PRSS41: variants seen among roughly 807,000 people sequenced by gnomAD.
PRSS41 encodes protease, serine 41.
PRSS41 carries 37 observed loss-of-function variants against 28.8 expected under a neutral mutation model. That is an observed-to-expected ratio of 1.29 (90% CI 0.99 to 1.69). The LOEUF (loss-of-function observed/expected upper bound fraction) is 1.69. Ranked by LOEUF, PRSS41 falls within the 40% of genes most tolerant of loss-of-function variation. The pLI is 0.00. For missense variants in PRSS41, 431 were observed against 400.7 expected (o/e 1.08, Z -0.65); for synonymous variants, 195 against 163.1 (o/e 1.20, Z -1.49).
At chr16:2,801,290 A>G (rs1166773027) in intron 4 of PRSS41, among the ~76,000 whole-genome samples, 1 of 151,120 alleles carries the variant, frequency 6.6e-6, no homozygotes, top group Admixed American at 6.6e-5. Context: ...TATTTTCTTG[A>G]TGATTTGATT....
chr16:2,804,552 T>C lies in PRSS41; in HGVS notation c.699+6T>C, dbSNP rs753476513. 3.4e-5 allele frequency: 52 copies of C among 1,550,050 alleles called. No homozygotes were observed. Among genetic ancestry groups the C allele is most frequent in the Non-Finnish European group, 4.5e-5 (52 of 1,146,900 alleles). On this transcript the variant is annotated splice_donor_region_variant and intron_variant, in intron 5 of 5. Coordinates refer to ENST00000399677, the Ensembl canonical transcript of PRSS41. ...GCAGTGTAGACACCTGCAAAGTGAGTGCCTCTACCCCACCAGGGAATCCCA... is the reference window on the plus strand; with the variant it reads ...GCAGTGTAGACACCTGCAAAGTGAGCGCCTCTACCCCACCAGGGAATCCCA...
rs76837976 is a variant in PRSS41 at position 2,803,149 on chromosome 16, A to G, written c.542-1240A>G. Among the ~76,000 whole-genome samples the G allele has an allele frequency of 4.9e-3, 746 of 152,312 alleles. 4 individuals carry two copies. Among genetic ancestry groups the G allele is most frequent in the Middle Eastern group, 0.017 (5 of 294 alleles). ...ATTCAAGCCCTTTACATTAAGAGTA[A>G]TTGATTACAGATCTGCAAAGAATGA... On this transcript the variant is annotated intron_variant, in intron 4 of 5. Coordinates refer to ENST00000399677, the Ensembl canonical transcript of PRSS41.
rs1326318545 is a variant in PRSS41 at position 2,798,506 on chromosome 16, C to A, written c.22C>A (p.Leu8Met). ...GGCCATGGGCGCGCGCGGGGCGCTGCTGCTGGCGCTGCTGCTGGCTCGGGC... is the reference window on the plus strand; with the variant it reads ...GGCCATGGGCGCGCGCGGGGCGCTGATGCTGGCGCTGCTGCTGGCTCGGGC... The change falls in exon 1 of 6, where the codon CTG becomes ATG. Residue 8 changes from leucine to methionine, a missense_variant. Transcript: ENST00000399677. 4 of 1,310,556 alleles carry A rather than the reference C, an allele frequency of 3.1e-6. No homozygotes were observed. In the African/African-American group the frequency reaches 5.8e-5, roughly 19 times the overall value. The allele number at this position is 1,310,556 out of a possible 1,614,324, so 81.2% of individuals were successfully genotyped here. A position where few individuals can be genotyped will look rare whatever the true frequency, so the allele number is the denominator to read the frequency against.
At chr16:2,805,197 C>T (rs149900462) in exon 6 of PRSS41, 7 of 1,323,512 alleles carry the variant, frequency 5.3e-6, no homozygotes, top group African/African-American at 2.9e-5. Flanking sequence ...AGTATTGGCT[C>T]ACCTCCTCTG....
exon 4 of PRSS41, chr16:2,799,456 C>G (rs945895712): frequency 2.6e-6 from 4 of 1,552,136 alleles, no homozygotes; most frequent in Non-Finnish European, 3.5e-6. Flanking sequence ...CTGGCCTCTT[C>G]TGTCACCTAC....
chr16:2,801,389 G>A (rs2068985276), intron 4 of PRSS41, among the ~76,000 whole-genome samples: 1 of 149,298 alleles, frequency 6.7e-6, no homozygotes, highest in Non-Finnish European at 1.5e-5. Flanking sequence ...TTCTCACAGA[G>A]GGGGATTTGG....
chr16:2,798,868 GCTGCGCGCACCCC>G (rs2068965627), intron 2 of PRSS41, 78 bp from the exon 3 acceptor site: 2 of 1,380,730 alleles, frequency 1.4e-6, no homozygotes, highest in Admixed American at 3.2e-5. Flanking sequence ...GGAGCCCCCC[GCTGCGCGCACCCC>G]GGGGCAAAGC....
intron 5 of PRSS41, 116 bp from the exon 6 acceptor site, chr16:2,804,798 G>A: frequency 1.1e-6 from 1 of 887,428 alleles, no homozygotes; most frequent in South Asian, 1.6e-5. Context: ...TTGATTCCAT[G>A]GGAAGGAGTA....
At chr16:2,799,017 C>T (rs1030023863) in exon 3 of PRSS41, 7 of 1,532,368 alleles carry the variant, frequency 4.6e-6, no homozygotes, top group Middle Eastern at 2.3e-4. Flanking sequence ...AGTCCGCGCG[C>T]GGGCGCTGGC....
At chr16:2,802,168 G>T (rs2068992283) in intron 4 of PRSS41, among the ~76,000 whole-genome samples, 1 of 151,174 alleles carries the variant, frequency 6.6e-6, no homozygotes, top group East Asian at 2.0e-4. Flanking sequence ...TCTCAGACGG[G>T]GTGGCCGGGC....
At chr16:2,804,365 T>C in intron 4 of PRSS41, 24 bp from the exon 5 acceptor site, 2 of 1,550,448 alleles carry the variant, frequency 1.3e-6, no homozygotes, top group South Asian at 1.2e-5. Context: ...TGAAGGGTGC[T>C]GTCCTTTTCT....
At chr16:2,798,894 G>T in intron 2 of PRSS41, 65 bp from the exon 3 acceptor site, 1 of 1,449,554 alleles carries the variant, frequency 6.9e-7, no homozygotes, top group South Asian at 1.4e-5. Context: ...GGCAAAGCCG[G>T]GCAGGGCGGG....
intron 4 of PRSS41, among the ~76,000 whole-genome samples, chr16:2,803,250 TTTC>T (rs2069001381): frequency 6.6e-6 from 1 of 152,240 alleles, no homozygotes; most frequent in South Asian, 2.1e-4. Context: ...ATTTCTTTTG[TTTC>T]TTATTTCCTC....
At chr16:2,802,681 A>G (rs1211676312) in intron 4 of PRSS41, among the ~76,000 whole-genome samples, 1 of 152,224 alleles carries the variant, frequency 6.6e-6, no homozygotes, top group African/African-American at 2.4e-5. Context: ...GGGGCTGGAG[A>G]CCGGCCCGGC....
chr16:2,800,809 A>T (rs921519530), intron 4 of PRSS41, among the ~76,000 whole-genome samples: 104 of 152,374 alleles, frequency 6.8e-4, no homozygotes, highest in African/African-American at 2.5e-3. Flanking sequence ...TAAAAATTAT[A>T]GCTATTTTAA....
exon 6 of PRSS41, chr16:2,805,098 T>G (rs1242164654): frequency 6.4e-7 from 1 of 1,551,758 alleles, no homozygotes; most frequent in Admixed American, 2.0e-5. Context: ...CCCTCCCAGC[T>G]GTTGCTGCTC....
intron 2 of PRSS41, 66 bp downstream of exon 2, chr16:2,798,728 A>G (rs2068964751): frequency 7.4e-7 from 1 of 1,353,944 alleles, no homozygotes; most frequent in Non-Finnish European, 9.6e-7. Context: ...GGGCCCATCT[A>G]CTGCTCTCTG....
chr16:2,800,469 AG>A, intron 4 of PRSS41, among the ~76,000 whole-genome samples: 1 of 139,586 alleles, frequency 7.2e-6, no homozygotes, highest in Non-Finnish European at 1.5e-5. Context: ...TGAACCCGTG[AG>A]GGGCAGAGGT....
chr16:2,801,943 G>C (rs1027382212), intron 4 of PRSS41, among the ~76,000 whole-genome samples: 1 of 133,956 alleles, frequency 7.5e-6, no homozygotes, highest in Non-Finnish European at 1.6e-5. Flanking sequence ...CTCACCTCCC[G>C]GACGGGGCGG....
Sources: gnomAD v4.1 joint callset for allele counts (sites outside exome capture counted in the v4.1 genomes callset) on GRCh38, gnomAD v4.1.1 for gene constraint, MANE v1.5 for transcripts, NCBI Gene and HGNC (gene_info 2026-07-23, HGNC 2026-07-21) for gene names.